PHACTR1: variants seen among roughly 807,000 people sequenced by gnomAD.
PHACTR1 encodes phosphatase and actin regulator 1.
PHACTR1 carries 16 observed loss-of-function variants against 69.2 expected under a neutral mutation model. That is an observed-to-expected ratio of 0.23 (90% CI 0.16 to 0.35). PHACTR1 has a LOEUF of 0.35. Among genes scored for constraint, PHACTR1 ranks in the 10% least tolerant of loss-of-function variants. The pLI, the probability that PHACTR1 is intolerant of heterozygous loss-of-function variation, is 1.00. For missense variants in PHACTR1, 510 were observed against 734.7 expected (o/e 0.69, Z 3.54); for synonymous variants, 312 against 284.5 (o/e 1.10, Z -0.97).
intron 4 of PHACTR1, among the ~76,000 whole-genome samples, chr6:13,010,342 G>A (rs1057397058): frequency 3.9e-5 from 6 of 152,106 alleles, no homozygotes; most frequent in African/African-American, 1.4e-4. Context: ...TGGCCAGGCT[G>A]GTCTCAAACT....
At chr6:12,804,439 T>C (rs1581827851) in intron 4 of PHACTR1, among the ~76,000 whole-genome samples, 2 of 152,210 alleles carry the variant, frequency 1.3e-5, no homozygotes, top group East Asian at 3.8e-4. Context: ...CTTAACCACC[T>C]GAAAAGGTAC....
At chr6:12,903,957 CTT>C (rs778927988) in intron 4 of PHACTR1, among the ~76,000 whole-genome samples, 218 of 152,244 alleles carry the variant, frequency 1.4e-3, no homozygotes, top group Non-Finnish European at 2.7e-3. Flanking sequence ...AGCCTTAAAA[CTT>C]TTAAAGTCAA....
chr6:13,268,246 G>A (rs1003177582), intron 10 of PHACTR1, among the ~76,000 whole-genome samples: 1 of 152,174 alleles, frequency 6.6e-6, no homozygotes, highest in Non-Finnish European at 1.5e-5. Flanking sequence ...CAGCGTGGGT[G>A]ACAGGGCAAG....
At chr6:13,055,123 C>T (rs910578800) in intron 5 of PHACTR1, among the ~76,000 whole-genome samples, 4 of 152,100 alleles carry the variant, frequency 2.6e-5, no homozygotes, top group African/African-American at 9.7e-5. Context: ...TCATGATAGC[C>T]ATGTTTTCTG....
chr6:12,919,972 CCTCAGT>C (rs1434139791), intron 4 of PHACTR1, among the ~76,000 whole-genome samples: 1 of 152,164 alleles, frequency 6.6e-6, no homozygotes, highest in Non-Finnish European at 1.5e-5. Context: ...CACTTTTTGA[CCTCAGT>C]CTATATTAGT....
At chr6:13,194,831 C>T (rs189966777) in intron 7 of PHACTR1, among the ~76,000 whole-genome samples, 49 of 152,042 alleles carry the variant, frequency 3.2e-4, no homozygotes, top group Non-Finnish European at 5.9e-4. Context: ...GAAAGCGGCT[C>T]TGAAACTAAG....
intron 4 of PHACTR1, chr6:12,934,101 T>G (rs1309226964): frequency 2.1e-6 from 2 of 972,128 alleles, no homozygotes; most frequent in Admixed American, 6.2e-5. Context: ...AAGAACCTTC[T>G]TGTGTCTTCC....
chr6:12,816,503 T>C (rs1775608611), intron 4 of PHACTR1, among the ~76,000 whole-genome samples: 1 of 152,208 alleles, frequency 6.6e-6, no homozygotes, highest in Non-Finnish European at 1.5e-5. Context: ...TAATCTTTGT[T>C]CTTCAGGGCC....
At chr6:12,977,528 T>C (rs910159073) in intron 4 of PHACTR1, among the ~76,000 whole-genome samples, 2 of 152,196 alleles carry the variant, frequency 1.3e-5, no homozygotes, top group African/African-American at 4.8e-5. Flanking sequence ...AAGTTATCCT[T>C]GGCTTTACAA....
At chr6:13,067,973 T>C (rs1808914928) in intron 5 of PHACTR1, among the ~76,000 whole-genome samples, 1 of 152,082 alleles carries the variant, frequency 6.6e-6, no homozygotes, top group Non-Finnish European at 1.5e-5. Context: ...TTGGCCAAGT[T>C]TTTTGTGTTT....
At chr6:13,095,749 C>CTTTTTTTTTTTTTTTTTT (rs140109520) in intron 5 of PHACTR1, among the ~76,000 whole-genome samples, 4 of 77,210 alleles carry the variant, frequency 5.2e-5, no homozygotes, top group African/African-American at 5.1e-5. Context: ...TTGTGAAGGG[C>CTTTTTTTTTTTTTTTTTT]TTTTTTTTTT....
At chr6:13,272,817 G>C (rs897786217) in intron 10 of PHACTR1, 43 bp from the exon 11 acceptor site, 3 of 1,614,070 alleles carry the variant, frequency 1.9e-6, no homozygotes, top group Non-Finnish European at 2.5e-6. Context: ...ACCCAAGGAG[G>C]CTATGATATG....
chr6:13,270,566 G>A (rs1012239619), intron 10 of PHACTR1, among the ~76,000 whole-genome samples: 1 of 152,170 alleles, frequency 6.6e-6, no homozygotes, highest in Non-Finnish European at 1.5e-5. Context: ...GGTTTTAGGT[G>A]CTCTGTGATA....
At chr6:12,923,618 CT>C (rs1385071740) in intron 4 of PHACTR1, among the ~76,000 whole-genome samples, 2 of 152,228 alleles carry the variant, frequency 1.3e-5, no homozygotes, top group Admixed American at 6.5e-5. Flanking sequence ...CTTGCCAATT[CT>C]TTTTTTCCTT....
At chr6:12,935,248 A>G (rs959905945) in intron 4 of PHACTR1, among the ~76,000 whole-genome samples, 23 of 151,924 alleles carry the variant, frequency 1.5e-4, no homozygotes. Context: ...TTTTATTTTT[A>G]TTTTTATTTT....
At chr6:12,843,145 ATTCAGAACTTTTCTATTATTAC>A (rs1377839773) in intron 4 of PHACTR1, among the ~76,000 whole-genome samples, 1 of 152,224 alleles carries the variant, frequency 6.6e-6, no homozygotes, top group African/African-American at 2.4e-5. Flanking sequence ...CAAGGAGAAT[ATTCAGAACTTTTCTATTATTAC>A]TTAAGAGCAA....
chr6:12,907,615 C>G (rs1445689258), intron 4 of PHACTR1, among the ~76,000 whole-genome samples: 1 of 152,132 alleles, frequency 6.6e-6, no homozygotes, highest in African/African-American at 2.4e-5. Context: ...CAGCCTGGTA[C>G]CAAATTCACA....
At chr6:12,827,966 T>A (rs1391635735) in intron 4 of PHACTR1, among the ~76,000 whole-genome samples, 1 of 152,108 alleles carries the variant, frequency 6.6e-6, no homozygotes, top group Non-Finnish European at 1.5e-5. Flanking sequence ...GTCACTTTGG[T>A]TTTCAGCAAT....
At chr6:12,830,597 AAT>A (rs928805503) in intron 4 of PHACTR1, among the ~76,000 whole-genome samples, 3 of 151,610 alleles carry the variant, frequency 2.0e-5, no homozygotes, top group East Asian at 1.9e-4. Context: ...AAAAAAAAAA[AAT>A]TTTTTTTGAG....
Sources: allele counts gnomAD v4.1 joint callset (sites outside exome capture counted in the v4.1 genomes callset), GRCh38; gene constraint gnomAD v4.1.1; transcripts MANE v1.5; gene names NCBI Gene and HGNC (gene_info 2026-07-23, HGNC 2026-07-21).